The following VAV3 variants were observed in gnomAD, a reference collection of about 807,000 sequenced individuals.
VAV3 encodes the protein guanine nucleotide exchange factor VAV3.
Under a neutral mutation model 131.2 loss-of-function variants are expected in VAV3, and 94 were observed. The ratio of observed to expected loss-of-function variants is 0.72; its 90% CI spans 0.61 to 0.85. The LOEUF (loss-of-function observed/expected upper bound fraction) is 0.85, where lower values mean the gene tolerates loss of function less well. Among genes scored for constraint, VAV3 ranks in the 40% least tolerant of loss-of-function variants. The pLI, the probability that VAV3 is intolerant of heterozygous loss-of-function variation, is 0.00. For synonymous variants in VAV3, 349 were observed against 342.0 expected (o/e 1.02, Z -0.22); for missense variants, 939 against 1,002.7 (o/e 0.94, Z 0.86).
chr1:107,667,769 T>C (rs1657515096), intron 19 of VAV3, among the ~76,000 whole-genome samples: 1 of 152,196 alleles, frequency 6.6e-6, no homozygotes, highest in African/African-American at 2.4e-5. Context: ...TACATTAGTT[T>C]GGGGTCATTT....
rs144861165 is a variant in VAV3 at position 107,758,342 on chromosome 1, G to A, written c.1018-1013C>T. ...CCCAGCACATTTCCAGGCTGAGATGGGAGGATCACTTGAGTCCAGGAATTT... is the reference window on the plus strand; with the variant it reads ...CCCAGCACATTTCCAGGCTGAGATGAGAGGATCACTTGAGTCCAGGAATTT... On this transcript the variant is annotated intron_variant, in intron 10 of 26. Coordinates refer to ENST00000370056, the MANE Select transcript of VAV3 (RefSeq NM_006113.5). Among the ~76,000 whole-genome samples the A allele has an allele frequency of 6.9e-4, 105 of 152,200 alleles. 3 individuals are homozygous for A. The South Asian group carries it at 0.021, about 30-fold the overall frequency.
intron 17 of VAV3, among the ~76,000 whole-genome samples, chr1:107,703,066 C>T (rs1371270621): frequency 6.6e-6 from 1 of 152,012 alleles, no homozygotes; most frequent in African/African-American, 2.4e-5. Context: ...TAGAACCATG[C>T]CAACTATGGG....
At chr1:107,635,316 T>C (rs1461098064) in intron 20 of VAV3, among the ~76,000 whole-genome samples, 1 of 152,026 alleles carries the variant, frequency 6.6e-6, no homozygotes, top group Non-Finnish European at 1.5e-5. Flanking sequence ...TCATGTCCTT[T>C]GTAGGGACAA....
At chr1:107,816,733 CA>C (rs762164839) in intron 2 of VAV3, among the ~76,000 whole-genome samples, 4 of 152,200 alleles carry the variant, frequency 2.6e-5, no homozygotes, top group Non-Finnish European at 5.9e-5. Context: ...ATAAAATGTA[CA>C]CAAAAGAAGG....
At chr1:107,840,965 G>A (rs982462217) in intron 2 of VAV3, among the ~76,000 whole-genome samples, 1 of 152,042 alleles carries the variant, frequency 6.6e-6, no homozygotes, top group Non-Finnish European at 1.5e-5. Flanking sequence ...GCTTATACGG[G>A]AAGGCTGGAG....
intron 20 of VAV3, among the ~76,000 whole-genome samples, chr1:107,621,687 T>C (rs1653620067): frequency 6.6e-6 from 1 of 152,178 alleles, no homozygotes; most frequent in South Asian, 2.1e-4. Flanking sequence ...GATAATCAGC[T>C]TGTCATCCCT....
chr1:107,847,896 G>C (rs1035904151), intron 2 of VAV3, among the ~76,000 whole-genome samples: 1 of 152,178 alleles, frequency 6.6e-6, no homozygotes, highest in Non-Finnish European at 1.5e-5. Context: ...TAGAAAAAGA[G>C]AGACTCCTCC....
intron 1 of VAV3, among the ~76,000 whole-genome samples, chr1:107,943,387 G>A (rs915047355): frequency 6.6e-6 from 1 of 152,138 alleles, no homozygotes; most frequent in Non-Finnish European, 1.5e-5. Flanking sequence ...ATTTGGCCTA[G>A]AACAAAATTA....
At chr1:107,858,309 AAC>A (rs1467240713) in intron 2 of VAV3, among the ~76,000 whole-genome samples, 2 of 152,228 alleles carry the variant, frequency 1.3e-5, no homozygotes, top group African/African-American at 2.4e-5. Flanking sequence ...ATTTTCTAAA[AAC>A]AGTTTCTTCT....
intron 1 of VAV3, among the ~76,000 whole-genome samples, chr1:107,934,354 T>C (rs1329033502): frequency 6.6e-6 from 1 of 152,248 alleles, no homozygotes; most frequent in Non-Finnish European, 1.5e-5. Flanking sequence ...ACTTGTGATC[T>C]GGACCAAAAC....
intron 25 of VAV3, among the ~76,000 whole-genome samples, chr1:107,593,855 TGTTAGAATAAGA>T (rs1651163482): frequency 6.6e-6 from 1 of 152,064 alleles, no homozygotes; most frequent in Non-Finnish European, 1.5e-5. Context: ...GAAAGTACTG[TGTTAGAATAAGA>T]GTTAGAAGTA....
chr1:107,804,449 C>T (rs1666967732), intron 2 of VAV3, among the ~76,000 whole-genome samples: 1 of 152,112 alleles, frequency 6.6e-6, no homozygotes, highest in African/African-American at 2.4e-5. Flanking sequence ...ACAAAAAAAT[C>T]TTGTAGACAT....
At chr1:107,807,385 T>C (rs979071000) in intron 2 of VAV3, among the ~76,000 whole-genome samples, 2 of 152,226 alleles carry the variant, frequency 1.3e-5, no homozygotes, top group African/African-American at 4.8e-5. Context: ...CTCCCCACAT[T>C]AAAAGAATCT....
At chr1:107,859,581 T>G (rs1669644023) in intron 2 of VAV3, among the ~76,000 whole-genome samples, 1 of 152,132 alleles carries the variant, frequency 6.6e-6, no homozygotes, top group Admixed American at 6.6e-5. Flanking sequence ...CTGAGTCCCT[T>G]CCACACTGAA....
intron 20 of VAV3, among the ~76,000 whole-genome samples, chr1:107,626,069 C>G (rs4244132): frequency 0.93 from 141,674 of 152,238 alleles, 66,646 homozygotes; most frequent in East Asian, 1. Context: ...TTAGATGGCA[C>G]TGTCCTCATC....
At chr1:107,856,788 G>A (rs181371222) in intron 2 of VAV3, among the ~76,000 whole-genome samples, 83 of 152,242 alleles carry the variant, frequency 5.5e-4, no homozygotes, top group Non-Finnish European at 1.9e-4. Flanking sequence ...TGTAATCCCA[G>A]CACTTTGGGA....
chr1:107,780,514 T>C (rs913567196), intron 2 of VAV3, among the ~76,000 whole-genome samples: 1 of 152,152 alleles, frequency 6.6e-6, no homozygotes, highest in Non-Finnish European at 1.5e-5. Flanking sequence ...ATAAAGTCTA[T>C]TCTTGTTTGT....
chr1:107,704,625 A>G lies in VAV3; in HGVS notation c.1630T>C (p.Cys544Arg), dbSNP rs769211364. ...LRGTFYQGYL[C>R]FKCGARAHKE... ...TGTGCTCTCGCTCCACACTTAAAAC[A>G]TAAATAGCCTTGATAAAATGTTCCC... Residue 544 changes from cysteine (C) to arginine (R), a missense_variant, in exon 17 of 27, where the codon TGT becomes CGT. Physicochemically the swap from Cys to Arg is radical, Grantham distance 180. Coordinates refer to ENST00000370056, the MANE Select transcript of VAV3 (RefSeq NM_006113.5). 3 of 1,613,738 alleles carry G rather than the reference A, an allele frequency of 1.9e-6. No homozygotes were observed. Among genetic ancestry groups the G allele is most frequent in the Non-Finnish European group, 2.5e-6 (3 of 1,179,884 alleles).
At chr1:107,880,774 C>A (rs1362033722) in intron 1 of VAV3, among the ~76,000 whole-genome samples, 1 of 144,356 alleles carries the variant, frequency 6.9e-6, no homozygotes, top group African/African-American at 2.6e-5. Context: ...CCAGCCTGGG[C>A]AACAAAGTGA....
Sources: allele counts gnomAD v4.1 joint callset (sites outside exome capture counted in the v4.1 genomes callset), GRCh38; gene constraint gnomAD v4.1.1; transcripts MANE v1.5; gene names NCBI Gene and HGNC (gene_info 2026-07-23, HGNC 2026-07-21).